The following IGF1R variants were observed in gnomAD, a reference collection of about 807,000 sequenced individuals.
IGF1R encodes insulin-like growth factor 1 receptor.
IGF1R carries 44 observed loss-of-function variants against 144.6 expected under a neutral mutation model. The observed-to-expected ratio is 0.30, with a 90% confidence interval of 0.24 to 0.39. The LOEUF (loss-of-function observed/expected upper bound fraction) is 0.39. IGF1R is among the 10% of genes least tolerant of loss of function. The pLI is 1.00. For synonymous variants in IGF1R, 795 were observed against 722.8 expected, an observed-to-expected ratio of 1.10 and a Z score of -1.60; for missense variants, 1,355 against 1,833.7, an observed-to-expected ratio of 0.74 and a Z score of 4.77.
chr15:98,899,508 G>C lies in IGF1R; in HGVS notation c.1134G>C (p.Met378Ile). 1 of 1,614,136 alleles carries C rather than the reference G, an allele frequency of 6.2e-7. No individual in the cohort carries two copies. The highest frequency in any genetic ancestry group is 8.5e-7 in the Non-Finnish European group (1 of 1,179,998). ...TTGCTTCAGAGCTGGAGAACTTCAT[G>C]GGGCTCATCGAGGTGGTGACGGGCT... ...NNIASELENF[M>I]GLIEVVTGYV... The change falls in exon 5 of 21, where the codon ATG becomes ATC. Residue 378 changes from methionine to isoleucine, a missense_variant. Physicochemically the swap from Met to Ile is conservative, Grantham distance 10. Coordinates refer to ENST00000650285, the MANE Select transcript of IGF1R (RefSeq NM_000875.5).
At chr15:98,742,873 C>G (rs2054778621) in intron 2 of IGF1R, among the ~76,000 whole-genome samples, 1 of 151,918 alleles carries the variant, frequency 6.6e-6, no homozygotes, top group South Asian at 2.1e-4. Flanking sequence ...CCCGTCTCTA[C>G]TAAAAATACA....
chr15:98,903,880 A>G (rs564906368), intron 5 of IGF1R, among the ~76,000 whole-genome samples: 88 of 152,320 alleles, frequency 5.8e-4, no homozygotes, highest in Middle Eastern at 6.8e-3. Flanking sequence ...CAGAAAAGGC[A>G]AAACTATAGA....
At chr15:98,790,830 C>G (rs2056111932) in intron 2 of IGF1R, among the ~76,000 whole-genome samples, 1 of 152,208 alleles carries the variant, frequency 6.6e-6, no homozygotes, top group Non-Finnish European at 1.5e-5. Context: ...AACACACATT[C>G]ATTTAGGGCA....
At chr15:98,937,594 C>T (rs2016203931) in intron 17 of IGF1R, among the ~76,000 whole-genome samples, 1 of 152,178 alleles carries the variant, frequency 6.6e-6, no homozygotes, top group African/African-American at 2.4e-5. Flanking sequence ...AACCTGCTCC[C>T]CCGACCAAGT....
At chr15:98,674,396 A>C (rs919704471) in intron 1 of IGF1R, among the ~76,000 whole-genome samples, 4 of 152,210 alleles carry the variant, frequency 2.6e-5, no homozygotes, top group Non-Finnish European at 2.9e-5. Flanking sequence ...ATCACCGTCA[A>C]TATCATCACC....
intron 15 of IGF1R, among the ~76,000 whole-genome samples, chr15:98,933,796 C>T (rs558734231): frequency 6.6e-6 from 1 of 152,148 alleles, no homozygotes; most frequent in Non-Finnish European, 1.5e-5. Context: ...TGCCCGTCCG[C>T]TGCCTAATTG....
chr15:98,684,298 T>G (rs2141219466), intron 1 of IGF1R, among the ~76,000 whole-genome samples: 1 of 152,022 alleles, frequency 6.6e-6, no homozygotes, highest in Non-Finnish European at 1.5e-5. Flanking sequence ...GCTGGAAAAA[T>G]GTTTTATTGT....
chr15:98,673,770 G>T (rs977423038), intron 1 of IGF1R, among the ~76,000 whole-genome samples: 1 of 152,160 alleles, frequency 6.6e-6, no homozygotes, highest in Non-Finnish European at 1.5e-5. Flanking sequence ...TAAGCGTGCT[G>T]TTCATTCTGC....
chr15:98,830,704 A>G (rs1309347186), intron 2 of IGF1R, among the ~76,000 whole-genome samples: 1 of 151,358 alleles, frequency 6.6e-6, no homozygotes, highest in Non-Finnish European at 1.5e-5. Flanking sequence ...TCTGGGTTCA[A>G]GCAATTCTCC....
intron 2 of IGF1R, among the ~76,000 whole-genome samples, chr15:98,855,903 G>A (rs528972160): frequency 2.0e-5 from 3 of 152,354 alleles, no homozygotes; most frequent in South Asian, 2.1e-4. Flanking sequence ...TGCCAGCCCC[G>A]TGATGCTGGT....
rs762526483 is a variant in IGF1R at position 98,683,252 on chromosome 15, AC to A, written c.95-24309del. ...TGGGTGTGTGACTTAAAAAGCAGAT[AC>A]AGCGCCTTTTCACGGATACACCTCC... On this transcript the variant is annotated intron_variant, in intron 1 of 20. Coordinates refer to ENST00000650285, the MANE Select transcript of IGF1R (RefSeq NM_000875.5). Among the ~76,000 whole-genome samples the A allele has an allele frequency of 1.0e-3, 157 of 152,260 alleles. 2 individuals carry two copies. Among genetic ancestry groups the A allele is most frequent in the Admixed American group, 2.6e-3 (40 of 15,288 alleles).
chr15:98,964,112 G>A lies in IGF1R; in HGVS notation c.*6670G>A. 2 of 233,012 alleles carry A rather than the reference G, an allele frequency of 8.6e-6. No homozygotes were observed. Among genetic ancestry groups the A allele is most frequent in the Non-Finnish European group, 1.7e-5 (2 of 117,762 alleles). The allele number at this position is 233,012 out of a possible 1,614,324, so 14.4% of individuals were successfully genotyped here. Reference sequence around the variant, plus strand: ...GTTTGCCAGAGTTTGTCTACCTCTGGGTATCCCTTTGTCTGGGATAAAAAA... The same window carrying A: ...GTTTGCCAGAGTTTGTCTACCTCTGAGTATCCCTTTGTCTGGGATAAAAAA... On this transcript the variant is annotated 3_prime_UTR_variant, in exon 21 of 21. Coordinates refer to ENST00000650285, the MANE Select transcript of IGF1R (RefSeq NM_000875.5).
intron 20 of IGF1R, among the ~76,000 whole-genome samples, chr15:98,955,496 C>T (rs1056513474): frequency 1.6e-4 from 25 of 152,240 alleles, no homozygotes; most frequent in African/African-American, 5.5e-4. Flanking sequence ...AATGAGGGAG[C>T]GTGGCCCCAT....
chr15:98,825,567 G>T (rs2056878756), intron 2 of IGF1R, among the ~76,000 whole-genome samples: 1 of 152,174 alleles, frequency 6.6e-6, no homozygotes. Context: ...AACTGAACAT[G>T]CAGGGAATCT....
chr15:98,922,128 C>A lies in IGF1R; in HGVS notation c.2202-20C>A, dbSNP rs1400391808. On this transcript the variant is annotated intron_variant, in intron 10 of 20. Transcript: ENST00000650285. Reference sequence around the variant, plus strand: ...AAGAGGTAAAAGTACTTAAAAGCCACATTTCTCTCCTCCTTGCAGACCTGA... The same window carrying A: ...AAGAGGTAAAAGTACTTAAAAGCCAAATTTCTCTCCTCCTTGCAGACCTGA... The A allele has an allele frequency of 3.1e-6, 5 of 1,613,888 alleles. No individual in the cohort carries two copies. In the South Asian group the frequency reaches 3.3e-5, roughly 11 times the overall value.
At chr15:98,754,275 T>C (rs1641863748) in intron 2 of IGF1R, among the ~76,000 whole-genome samples, 1 of 152,178 alleles carries the variant, frequency 6.6e-6, no homozygotes, top group Non-Finnish European at 1.5e-5. Context: ...TCTTTCTGCC[T>C]TTCTGTCTTG....
intron 1 of IGF1R, among the ~76,000 whole-genome samples, chr15:98,692,122 G>A (rs1456865627): frequency 6.6e-6 from 1 of 152,124 alleles, no homozygotes; most frequent in Admixed American, 6.5e-5. Flanking sequence ...GATCACTTGA[G>A]CTCAGGAGTT....
At chr15:98,741,919 G>A (rs138765365) in intron 2 of IGF1R, among the ~76,000 whole-genome samples, 90 of 152,320 alleles carry the variant, frequency 5.9e-4, no homozygotes, top group African/African-American at 1.9e-3. Flanking sequence ...ATGCACACCT[G>A]TATACATGTG....
chr15:98,689,750 G>A lies in IGF1R; in HGVS notation c.95-17812G>A, dbSNP rs372546043. ...CCCCCTTATATAGGTCTCTCGGGAT[G>A]CCCCAGTGGAGAACAGCATTGATGT... On this transcript the variant is annotated intron_variant, in intron 1 of 20. Coordinates refer to ENST00000650285, the MANE Select transcript of IGF1R (RefSeq NM_000875.5). Among the ~76,000 whole-genome samples, 56 of 152,282 alleles carry A rather than the reference G, an allele frequency of 3.7e-4. No individual in the cohort carries two copies. In the East Asian group the frequency reaches 7.9e-3, roughly 22 times the overall value.
Sources: allele counts gnomAD v4.1 joint callset (sites outside exome capture counted in the v4.1 genomes callset), GRCh38; gene constraint gnomAD v4.1.1; transcripts MANE v1.5; gene names NCBI Gene and HGNC (gene_info 2026-07-23, HGNC 2026-07-21).